NBAS: variants seen among roughly 807,000 people sequenced by gnomAD.
NBAS encodes NAG/BC035112 fusion.
A neutral mutation model predicts 302.5 loss-of-function variants in NBAS; 219 were observed. That is an observed-to-expected ratio of 0.72 (90% CI 0.65 to 0.81). NBAS has a LOEUF of 0.81. Among genes scored for constraint, NBAS ranks in the 30% least tolerant of loss-of-function variants. NBAS has a pLI of 0.00. For missense variants in NBAS, 2,932 were observed against 2,841.6 expected (o/e 1.03, Z -0.72); for synonymous variants, 1,118 against 1,021.6 (o/e 1.09, Z -1.80).
rs181970235 is a variant in NBAS, at chr2:15,203,282, T to C, written c.6433-12879A>G. 1.2e-3 allele frequency among the ~76,000 whole-genome samples: 184 copies of C among 152,256 alleles called. 1 individual carries two copies. The highest frequency in any genetic ancestry group is 4.1e-3 in the African/African-American group (171 of 41,556). ...ATATTACACAAATTTCTTAACCACTTTGAGTCTATTTCCTTATGTGATGAA... is the reference window on the plus strand; with the variant it reads ...ATATTACACAAATTTCTTAACCACTCTGAGTCTATTTCCTTATGTGATGAA... On this transcript the variant is annotated intron_variant, in intron 48 of 51. Transcript: ENST00000281513.
intron 21 of NBAS, among the ~76,000 whole-genome samples, chr2:15,451,427 T>C (rs1679005267): frequency 6.6e-6 from 1 of 152,178 alleles, no homozygotes; most frequent in Non-Finnish European, 1.5e-5. Flanking sequence ...TTATTTCATT[T>C]CTGGAAAATC....
At chr2:15,219,383 G>A (rs1459400934) in intron 47 of NBAS, among the ~76,000 whole-genome samples, 1 of 142,778 alleles carries the variant, frequency 7.0e-6, no homozygotes, top group Non-Finnish European at 1.5e-5. Context: ...GGGGGATTTG[G>A]CAGGGTCATA....
the NBAS span, among the ~76,000 whole-genome samples, chr2:15,047,732 C>T: frequency 6.6e-6 from 1 of 152,210 alleles, no homozygotes. Flanking sequence ...GCAGGCTGGG[C>T]CCATGCAGGT....
intron 21 of NBAS, 66 bp from the exon 22 acceptor site, chr2:15,427,860 G>C: frequency 8.2e-7 from 1 of 1,222,494 alleles, no homozygotes; most frequent in Non-Finnish European, 1.2e-6. Context: ...CACACAAGGA[G>C]TAAAATGCAA....
the NBAS span, among the ~76,000 whole-genome samples, chr2:14,841,511 A>C: frequency 6.9e-6 from 1 of 145,606 alleles, no homozygotes; most frequent in African/African-American, 2.7e-5. Context: ...AAAAAAAAAA[A>C]AAAACAGGAA....
At chr2:15,256,203 T>C (rs932328030) in intron 44 of NBAS, among the ~76,000 whole-genome samples, 2 of 152,220 alleles carry the variant, frequency 1.3e-5, no homozygotes, top group Non-Finnish European at 2.9e-5. Context: ...TGTGTTTCCA[T>C]TTGTTTCTGT....
intron 12 of NBAS, among the ~76,000 whole-genome samples, chr2:15,483,561 T>C (rs528060130): frequency 1.3e-5 from 2 of 152,336 alleles, no homozygotes; most frequent in East Asian, 1.9e-4. Flanking sequence ...AATTTTACTA[T>C]ATTCCAGACA....
At position 15,536,945 on chromosome 2, in the gene NBAS, A is replaced by G. The variant is rs532812637; in HGVS notation, c.514-394T>C. ...TCCACTGCCAGCAGTAGCCTGCGGT[A>G]AAAAAGTCTCCAGTTTCCATTTGCC... On this transcript the variant is annotated intron_variant, in intron 7 of 51. Transcript: ENST00000281513. 2.7e-4 allele frequency among the ~76,000 whole-genome samples: 41 copies of G among 152,360 alleles called. No individual in the cohort carries two copies. The South Asian group carries it at 5.0e-3, about 18-fold the overall frequency.
the NBAS span, among the ~76,000 whole-genome samples, chr2:15,154,238 A>G: frequency 6.6e-6 from 1 of 152,334 alleles, no homozygotes; most frequent in Non-Finnish European, 1.5e-5. Flanking sequence ...GAAATTCCCC[A>G]CCTAATTAAA....
At chr2:15,214,728 T>A (rs1666575946) in intron 48 of NBAS, among the ~76,000 whole-genome samples, 1 of 152,224 alleles carries the variant, frequency 6.6e-6, no homozygotes, top group African/African-American at 2.4e-5. Context: ...TGGACTTTTG[T>A]GGCTGTTCTC....
chr2:15,159,698 C>T, the NBAS span, among the ~76,000 whole-genome samples: 4 of 151,872 alleles, frequency 2.6e-5, no homozygotes, highest in Admixed American at 1.3e-4. Context: ...TGCACAGCAA[C>T]GTGAATATTA....
chr2:15,156,887 C>T, the NBAS span, among the ~76,000 whole-genome samples: 4 of 152,260 alleles, frequency 2.6e-5, 1 homozygote, highest in South Asian at 6.2e-4. Context: ...AAAACACCCT[C>T]AAAAAGGTTC....
At chr2:14,927,861 A>G in the NBAS span, among the ~76,000 whole-genome samples, 4 of 152,284 alleles carry the variant, frequency 2.6e-5, no homozygotes, top group East Asian at 7.7e-4. Flanking sequence ...AGAAATGTCT[A>G]TTCAAGTTCT....
At chr2:14,943,225 C>T in the NBAS span, among the ~76,000 whole-genome samples, 5 of 152,190 alleles carry the variant, frequency 3.3e-5, no homozygotes, top group African/African-American at 7.2e-5. Flanking sequence ...GAAAGGCCAC[C>T]GGATACACTT....
At chr2:15,460,917 T>C (rs1255586685) in intron 21 of NBAS, among the ~76,000 whole-genome samples, 1 of 152,078 alleles carries the variant, frequency 6.6e-6, no homozygotes, top group Non-Finnish European at 1.5e-5. Context: ...TACATTATCC[T>C]AAAAACTGTT....
chr2:15,469,728 A>C (rs564534154), intron 16 of NBAS, among the ~76,000 whole-genome samples: 1 of 151,844 alleles, frequency 6.6e-6, no homozygotes, highest in Non-Finnish European at 1.5e-5. Context: ...TGAGCAAACT[A>C]TCACAAGGAC....
chr2:14,928,696 C>A, the NBAS span, among the ~76,000 whole-genome samples: 1 of 151,298 alleles, frequency 6.6e-6, no homozygotes, highest in Non-Finnish European at 1.5e-5. Context: ...TTCACTATGA[C>A]GTTAGTTGCT....
chr2:15,457,407 G>A (rs945571277), intron 21 of NBAS, among the ~76,000 whole-genome samples: 2 of 152,120 alleles, frequency 1.3e-5, no homozygotes, highest in African/African-American at 4.8e-5. Context: ...GAAAGTTAAC[G>A]GCCATCCAAG....
At chr2:15,091,059 CT>C in the NBAS span, among the ~76,000 whole-genome samples, 2 of 152,298 alleles carry the variant, frequency 1.3e-5, no homozygotes, top group South Asian at 4.1e-4. Context: ...TAGCCTTTTT[CT>C]AGGCATCTCT....
Sources: allele counts gnomAD v4.1 joint callset (sites outside exome capture counted in the v4.1 genomes callset), GRCh38; gene constraint gnomAD v4.1.1; transcripts MANE v1.5; gene names NCBI Gene and HGNC (gene_info 2026-07-23, HGNC 2026-07-21).